The following AKAP13 variants were observed in gnomAD, a reference collection of about 807,000 sequenced individuals.
AKAP13 encodes the protein A-kinase anchor protein 13.
In AKAP13, 80 loss-of-function variants were observed where a neutral mutation model predicts 264.5. The ratio of observed to expected loss-of-function variants is 0.30; its 90% CI spans 0.25 to 0.36. The LOEUF (loss-of-function observed/expected upper bound fraction) is 0.36, where lower values mean the gene tolerates loss of function less well. Among genes scored for constraint, AKAP13 ranks in the 10% least tolerant of loss-of-function variants. AKAP13 has a pLI of 1.00. For missense variants in AKAP13, 3,712 were observed against 3,435.2 expected (o/e 1.08, Z -2.01); for synonymous variants, 1,380 against 1,250.2 (o/e 1.10, Z -2.19).
At position 85,717,033 on chromosome 15, in the gene AKAP13, C is replaced by A. The variant is rs369339192; in HGVS notation, c.5736-257C>A. 1.0e-5 allele frequency: 4 copies of A among 396,510 alleles called. No homozygotes were observed. The East Asian group carries it at 2.1e-4, about 21-fold the overall frequency. The allele number at this position is 396,510 out of a possible 1,614,324, so 24.6% of individuals were successfully genotyped here. A position where few individuals can be genotyped will look rare whatever the true frequency, so the allele number is the denominator to read the frequency against. ...GTACATGGTTTGATGGAAGAAAGTTCCCCTTGCTTCTTATCACTTTCTTTA... is the reference window on the plus strand; with the variant it reads ...GTACATGGTTTGATGGAAGAAAGTTACCCTTGCTTCTTATCACTTTCTTTA... On this transcript the variant is annotated intron_variant, in intron 20 of 36. Coordinates refer to ENST00000394518, the MANE Select transcript of AKAP13 (RefSeq NM_007200.5).
chr15:85,630,100 G>A (rs1196346950), intron 8 of AKAP13, among the ~76,000 whole-genome samples: 1 of 151,390 alleles, frequency 6.6e-6, no homozygotes, highest in Non-Finnish European at 1.5e-5. Context: ...AATCTCCCGA[G>A]TTCTCTGGCT....
chr15:85,474,296 C>T (rs147369170), intron 1 of AKAP13, among the ~76,000 whole-genome samples: 2 of 152,336 alleles, frequency 1.3e-5, no homozygotes. Flanking sequence ...CCCCACTCCC[C>T]AAATGCTGTC....
chr15:85,594,779 C>T (rs546374299), intron 8 of AKAP13, among the ~76,000 whole-genome samples: 10 of 152,190 alleles, frequency 6.6e-5, no homozygotes, highest in Non-Finnish European at 7.3e-5. Context: ...TGGGTACCTA[C>T]AATTTAGGCA....
intron 5 of AKAP13, among the ~76,000 whole-genome samples, chr15:85,545,625 C>G (rs374774007): frequency 1.3e-5 from 2 of 152,152 alleles, no homozygotes; most frequent in African/African-American, 4.8e-5. Context: ...GCAGATCTAG[C>G]TCTTAACTTG....
At chr15:85,590,894 G>T (rs2079553594) in intron 8 of AKAP13, among the ~76,000 whole-genome samples, 1 of 152,044 alleles carries the variant, frequency 6.6e-6, no homozygotes, top group Non-Finnish European at 1.5e-5. Context: ...GTACAGCTTA[G>T]TATTATTATT....
intron 1 of AKAP13, among the ~76,000 whole-genome samples, chr15:85,466,571 T>C (rs1596271041): frequency 6.6e-6 from 1 of 152,234 alleles, no homozygotes; most frequent in African/African-American, 2.4e-5. Context: ...TTTCTACATA[T>C]GGCTAGCCAG....
intron 14 of AKAP13, among the ~76,000 whole-genome samples, chr15:85,677,856 T>C (rs60218143): frequency 0.075 from 11,420 of 152,068 alleles, 700 homozygotes; most frequent in East Asian, 0.17. Context: ...CACCATGTTA[T>C]CCAGCATGAT....
chr15:85,716,302 A>G (rs1195224048), intron 20 of AKAP13, among the ~76,000 whole-genome samples: 2 of 152,190 alleles, frequency 1.3e-5, no homozygotes, highest in Non-Finnish European at 2.9e-5. Context: ...CTGTTGTTCA[A>G]GTAAACCTGG....
In AKAP13 at chr15:85,579,840, C is replaced by T. The variant is rs765486812; in HGVS notation, c.1772C>T (p.Ala591Val). 3.7e-6 allele frequency: 6 copies of T among 1,614,172 alleles called. No homozygotes were observed. The Admixed American group carries it at 1.0e-4, about 27-fold the overall frequency. Residue 591 changes from alanine (A) to valine (V), a missense_variant, in exon 7 of 37, where the codon GCT (alanine) becomes GTT (valine). Coordinates refer to ENST00000394518, the MANE Select transcript of AKAP13 (RefSeq NM_007200.5). ...PVDQNSVVIP[A>V]AAKDKISDGL... ...GATCAGAATTCTGTGGTGATTCCAG[C>T]TGCTGCAAAAGACAAGATTTCAGAT...
chr15:85,499,774 C>G (rs2075991184), intron 2 of AKAP13, among the ~76,000 whole-genome samples: 1 of 152,112 alleles, frequency 6.6e-6, no homozygotes, highest in Admixed American at 6.6e-5. Flanking sequence ...TCCATCACTC[C>G]TACTCCTATG....
chr15:85,692,416 CAAATG>C (rs2052475513), intron 16 of AKAP13, among the ~76,000 whole-genome samples: 1 of 152,040 alleles, frequency 6.6e-6, no homozygotes, highest in South Asian at 2.1e-4. Flanking sequence ...TCCCATTTGA[CAAATG>C]AGAAAACTAA....
intron 2 of AKAP13, among the ~76,000 whole-genome samples, chr15:85,498,638 GC>G (rs1248477627): frequency 6.6e-6 from 1 of 151,768 alleles, no homozygotes; most frequent in Admixed American, 6.6e-5. Flanking sequence ...GTTGTCTTTG[GC>G]ACTGAACTCT....
At chr15:85,418,273 G>A (rs564624657) in intron 1 of AKAP13, among the ~76,000 whole-genome samples, 4 of 152,142 alleles carry the variant, frequency 2.6e-5, no homozygotes, top group African/African-American at 9.6e-5. Context: ...TATAGACAGG[G>A]TCTCACTTTG....
chr15:85,620,485 G>A (rs2081133778), intron 8 of AKAP13, among the ~76,000 whole-genome samples: 1 of 152,112 alleles, frequency 6.6e-6, no homozygotes, highest in African/African-American at 2.4e-5. Context: ...AAGTTGCTCT[G>A]TTTGTCCTTC....
Position 85,580,975 on chromosome 15 carries a change from A to C in AKAP13, c.2907A>C (p.Ser969=). The C allele has an allele frequency of 3.7e-6, 6 of 1,614,130 alleles. No homozygotes were observed. Among genetic ancestry groups the C allele is most frequent in the Non-Finnish European group, 5.1e-6 (6 of 1,180,012 alleles). ...DTQQFHEKSI[S]ADCAKDKALQ... ...AACAATTTCATGAAAAATCAATCTC[A>C]GCTGACTGTGCCAAGGACAAAGCAC... The change falls in exon 7 of 37, where the codon TCA becomes TCC. Residue 969 remains serine, a synonymous_variant. Transcript: ENST00000394518.
rs1403131801 is a variant in AKAP13 at position 85,543,811 on chromosome 15, G to A, written c.518G>A (p.Arg173Gln). The change falls in exon 5 of 37, where the codon CGG (arginine) becomes CAG (glutamine). Residue 173 changes from arginine to glutamine, a missense_variant. Physicochemically the swap from Arg to Gln is conservative, Grantham distance 43. Transcript: ENST00000394518. ...PRETLMHFAV[R>Q]LGLLRLTWFL... ...GAGACATTGATGCATTTTGCTGTGC[G>A]GCTGGGACTGCTGAGGTTGACGTGG... The A allele has an allele frequency of 5.0e-6, 8 of 1,613,694 alleles. No individual in the cohort carries two copies. Among genetic ancestry groups the A allele is most frequent in the Admixed American group, 1.7e-5 (1 of 59,990 alleles).
chr15:85,646,796 C>G (rs1317072177), intron 10 of AKAP13, among the ~76,000 whole-genome samples: 1 of 152,132 alleles, frequency 6.6e-6, no homozygotes, highest in East Asian at 1.9e-4. Context: ...TAATTGGAGG[C>G]TGCCTAAGGG....
intron 1 of AKAP13, among the ~76,000 whole-genome samples, chr15:85,392,140 G>C (rs2150807744): frequency 6.6e-6 from 1 of 151,262 alleles, no homozygotes; most frequent in Admixed American, 6.6e-5. Context: ...GGCTCAGTTG[G>C]TGAGTTTCTA....
At chr15:85,620,188 C>T in intron 8 of AKAP13, 1 of 1,535,148 alleles carries the variant, frequency 6.5e-7, no homozygotes. Context: ...GGGGGCTGCA[C>T]CTCATGCATT....
Sources: allele counts gnomAD v4.1 joint callset (sites outside exome capture counted in the v4.1 genomes callset), GRCh38; gene constraint gnomAD v4.1.1; transcripts MANE v1.5; gene names NCBI Gene and HGNC (gene_info 2026-07-23, HGNC 2026-07-21).